Variants in IDUA observed in about 807,000 individuals in gnomAD.
IDUA encodes the protein alpha-L-iduronidase.
Under a neutral mutation model 68.9 loss-of-function variants are expected in IDUA, and 65 were observed. That is an observed-to-expected ratio of 0.94 (90% CI 0.77 to 1.16). The LOEUF is 1.16. Among genes scored for constraint, IDUA ranks in the 50% most tolerant of loss-of-function variants. The pLI is 0.00. For synonymous variants in IDUA, 529 were observed against 433.6 expected (o/e 1.22, Z -2.73); for missense variants, 1,046 against 938.0 (o/e 1.12, Z -1.50).
In IDUA at chr4:1,004,118, C is replaced by T. The variant is rs778409525; in HGVS notation, c.1828+6C>T. On this transcript the variant is annotated splice_donor_region_variant and intron_variant, in intron 13 of 13. Coordinates refer to ENST00000514224, the MANE Select transcript of IDUA (RefSeq NM_000203.5). The surrounding 1 kb of genome is among the most constrained non-coding windows in gnomAD (Gnocchi z 5.0). ...CCTCTTTGTGTTCAGCCCAGGTGCG[C>T]CCACCACCCGCTGCCCTGGACTCGG... The T allele has an allele frequency of 6.2e-7, 1 of 1,612,746 alleles. No individual in the cohort carries two copies. The highest frequency in any genetic ancestry group is 2.2e-5 in the East Asian group (1 of 44,872).
chr4:995,373 C>T (rs974974121), intron 2 of IDUA, among the ~76,000 whole-genome samples: 2 of 152,024 alleles, frequency 1.3e-5, no homozygotes, highest in African/African-American at 2.4e-5. Context: ...AAAAAAATTC[C>T]TTGGGAGCCT....
chr4:1,001,769 C>T lies in IDUA; in HGVS notation c.680C>T (p.Thr227Ile). 2 of 1,601,098 alleles carry T rather than the reference C, an allele frequency of 1.2e-6. No homozygotes were observed. Among genetic ancestry groups the T allele is most frequent in the East Asian group, 2.2e-5 (1 of 44,510 alleles). The change falls in exon 6 of 14, where the codon ACC (threonine) becomes ATC (isoleucine). Residue 227 changes from threonine (T) to isoleucine (I), a missense_variant. Transcript: ENST00000514224. ...GGAGGCCCCGGCGACTCCTTCCACA[C>T]CCCACCGCGATCCCCGCTGAGCTGG... ...RLGGPGDSFH[T>I]PPRSPLSWGL... is the part of the protein sequence containing the mutation.
intron 2 of IDUA, among the ~76,000 whole-genome samples, chr4:999,070 T>C (rs1355232871): frequency 6.6e-6 from 1 of 151,888 alleles, no homozygotes; most frequent in East Asian, 1.9e-4. Flanking sequence ...CCGGGCGTGG[T>C]GGCGGGCGCC....
In IDUA at chr4:1,002,814, C is replaced by T; in HGVS notation, c.1272C>T (p.Ala424=). The part of the protein sequence containing the change: ...SNHTVGVLAS[A]HRPQGPADAW... Reference sequence around the variant, plus strand: ...ACACGGTGGGCGTCCTGGCCAGCGCCCACCGCCCCCAGGGCCCGGCCGACG... The same window carrying T: ...ACACGGTGGGCGTCCTGGCCAGCGCTCACCGCCCCCAGGGCCCGGCCGACG... The change falls in exon 9 of 14, where the codon GCC becomes GCT. Residue 424 remains alanine (A), a synonymous_variant. Transcript: ENST00000514224. 6.9e-7 allele frequency: 1 copy of T among 1,458,712 alleles called. No homozygotes were observed. The highest frequency in any genetic ancestry group is 9.0e-7 in the Non-Finnish European group (1 of 1,111,360). 90.4% of individuals were successfully genotyped at this position (1,458,712 alleles called of 1,614,324 possible).
In IDUA at chr4:1,001,978, G is replaced by T. The variant is rs773734796; in HGVS notation, c.793-4G>T. 1.3e-5 allele frequency: 21 copies of T among 1,579,148 alleles called. No individual in the cohort carries two copies. The highest frequency in any genetic ancestry group is 1.6e-5 in the Non-Finnish European group (19 of 1,164,252). On this transcript the variant is annotated splice_region_variant and splice_polypyrimidine_tract_variant and intron_variant, in intron 6 of 13. Transcript: ENST00000514224. ...TGGTGGTGCTGAGGCGGCCCCGCCCGCAGGGTGCGCGCAGCTCCATCTCCA... is the reference window on the plus strand; with the variant it reads ...TGGTGGTGCTGAGGCGGCCCCGCCCTCAGGGTGCGCGCAGCTCCATCTCCA...
chr4:991,932 C>G, intron 2 of IDUA: 1 of 952,652 alleles, frequency 1.0e-6, no homozygotes, highest in Middle Eastern at 2.1e-4. Flanking sequence ...ATCCAGAATC[C>G]ATCGTGAGGT....
chr4:999,120 G>C (rs1372237504), intron 2 of IDUA, among the ~76,000 whole-genome samples: 1 of 151,922 alleles, frequency 6.6e-6, no homozygotes, highest in South Asian at 2.1e-4. Flanking sequence ...CAGGAGAATG[G>C]TGTGAACCCG....
At chr4:989,351 C>G in intron 2 of IDUA, 1 of 1,598,292 alleles carries the variant, frequency 6.3e-7, no homozygotes, top group Non-Finnish European at 8.5e-7. Context: ...GGGACGAGGC[C>G]CTCGAACTCT....
At chr4:990,381 C>A in intron 2 of IDUA, 2 of 1,559,840 alleles carry the variant, frequency 1.3e-6, no homozygotes, top group South Asian at 2.4e-5. Context: ...GGAGTGCGGT[C>A]AGGCCAGCAG....
rs781149866 is a variant in IDUA at position 1,002,399 on chromosome 4, G to T, written c.1103G>T (p.Arg368Leu). ...TTCGCGCAGCGCACGCTCACCGCGC[G>T]CTTCCAGGTCAACAACACCCGCCCG... ...HPFAQRTLTA[R>L]FQVNNTRPPH... The change falls in exon 8 of 14, where the codon CGC becomes CTC. Residue 368 changes from arginine (R) to leucine (L), a missense_variant. Transcript: ENST00000514224. 6.2e-7 allele frequency: 1 copy of T among 1,600,534 alleles called. No homozygotes were observed.
At position 1,004,104 on chromosome 4, in the gene IDUA, T is replaced by A; in HGVS notation, c.1820T>A (p.Phe607Tyr). Residue 607 changes from phenylalanine (F) to tyrosine (Y), a missense_variant, in exon 13 of 14, where the codon TTC becomes TAC. Physicochemically the swap from Phe to Tyr is conservative, Grantham distance 22 (BLOSUM62 3). Transcript: ENST00000514224. This position sits in a 1 kb window ranked among gnomAD's most constrained non-coding sequence, Gnocchi z 5.0. ...CCATCGACCTTCAACCTCTTTGTGT[T>A]CAGCCCAGGTGCGCCCACCACCCGC... The part of the protein sequence containing the change: ...RKPSTFNLFV[F>Y]SPDTGAVSGS... 1 of 1,612,834 alleles carries A rather than the reference T, an allele frequency of 6.2e-7. No individual in the cohort carries two copies. The highest frequency in any genetic ancestry group is 2.2e-5 in the East Asian group (1 of 44,868).
At chr4:995,781 G>A (rs532000433) in intron 2 of IDUA, among the ~76,000 whole-genome samples, 3 of 152,348 alleles carry the variant, frequency 2.0e-5, no homozygotes, top group Admixed American at 6.5e-5. Context: ...TCTGCCAAGC[G>A]CTGCTAGTTC....
chr4:996,801 CA>C (rs1427613229), intron 2 of IDUA, among the ~76,000 whole-genome samples: 3 of 152,160 alleles, frequency 2.0e-5, no homozygotes, highest in African/African-American at 7.2e-5. Flanking sequence ...GCTGAGTGCC[CA>C]GGGGGTCCAG....
intron 2 of IDUA, among the ~76,000 whole-genome samples, chr4:998,702 C>A (rs1489392264): frequency 6.6e-6 from 1 of 152,166 alleles, no homozygotes; most frequent in Non-Finnish European, 1.5e-5. Context: ...ATGGCCAAAA[C>A]CGAGACCAGT....
chr4:1,002,792 C>A lies in IDUA; in HGVS notation c.1250C>A (p.Thr417Lys), dbSNP rs1464048268. Residue 417 changes from threonine (T) to lysine (K), a missense_variant, in exon 9 of 14, where the codon ACG (threonine) becomes AAG (lysine). Transcript: ENST00000514224. ...GGGACCGTCCTGGACAGCAACCACACGGTGGGCGTCCTGGCCAGCGCCCAC... is the reference window on the plus strand; with the variant it reads ...GGGACCGTCCTGGACAGCAACCACAAGGTGGGCGTCCTGGCCAGCGCCCAC... ...QAGTVLDSNH[T>K]VGVLASAHRP... The A allele has an allele frequency of 1.6e-5, 24 of 1,468,292 alleles. No homozygotes were observed. Among genetic ancestry groups the A allele is most frequent in the Non-Finnish European group, 2.2e-5 (24 of 1,115,556 alleles). The allele number at this position is 1,468,292 out of a possible 1,614,324, so 91.0% of individuals were successfully genotyped here. A position where few individuals can be genotyped will look rare whatever the true frequency, so the allele number is the denominator to read the frequency against.
At chr4:997,462 C>G (rs1182186626) in intron 2 of IDUA, among the ~76,000 whole-genome samples, 2 of 151,404 alleles carry the variant, frequency 1.3e-5, no homozygotes, top group African/African-American at 2.4e-5. Context: ...GGCAGCCGCG[C>G]GGTCTTAGCG....
Position 987,130 on chromosome 4 carries a change from T to G in IDUA, c.46T>G (p.Ser16Ala). ...PRAALLALLA[S>A]LLAAPPVAPA... Reference sequence around the variant, plus strand: ...CGCCGCGCTGCTGGCGCTCCTGGCCTCGCTCCTGGCCGCGCCCCCGGTGGC... The same window carrying G: ...CGCCGCGCTGCTGGCGCTCCTGGCCGCGCTCCTGGCCGCGCCCCCGGTGGC... Residue 16 changes from serine to alanine, a missense_variant, in exon 1 of 14, where the codon TCG becomes GCG. By Grantham distance (99) the Ser-to-Ala change is moderately conservative. Transcript: ENST00000514224. 2 of 1,438,082 alleles carry G rather than the reference T, an allele frequency of 1.4e-6. No individual in the cohort carries two copies. The highest frequency in any genetic ancestry group is 1.8e-6 in the Non-Finnish European group (2 of 1,100,526). 89.1% of individuals were successfully genotyped at this position (1,438,082 alleles called of 1,614,324 possible). A position where few individuals can be genotyped will look rare whatever the true frequency, so the allele number is the denominator to read the frequency against.
At chr4:996,580 C>T (rs536831357) in intron 2 of IDUA, among the ~76,000 whole-genome samples, 50 of 152,334 alleles carry the variant, frequency 3.3e-4, no homozygotes, top group Admixed American at 2.9e-3. Context: ...CAGGAACAGC[C>T]TCAGCCGCAC....
intron 10 of IDUA, 44 bp downstream of exon 10, chr4:1,003,201 T>C (rs1577543400): frequency 1.8e-6 from 1 of 542,736 alleles, no homozygotes; most frequent in Non-Finnish European, 2.5e-6. Context: ...CGGGCCGGGG[T>C]CCCGGGGGGG....
Sources: allele counts gnomAD v4.1 joint callset (sites outside exome capture counted in the v4.1 genomes callset), GRCh38; gene constraint gnomAD v4.1.1; non-coding constraint Gnocchi (gnomAD v3.1); transcripts MANE v1.5; gene names NCBI Gene and HGNC (gene_info 2026-07-23, HGNC 2026-07-21).